ASCC1: variants seen among roughly 807,000 people sequenced by gnomAD.
The protein encoded by ASCC1 is ASC-1 complex subunit P50.
ASCC1 carries 35 observed loss-of-function variants against 46.6 expected under a neutral mutation model. That is an observed-to-expected ratio of 0.75 (90% confidence interval 0.57 to 0.99). ASCC1 has a LOEUF of 0.99. Ranked by LOEUF, ASCC1 falls within the 50% of genes least tolerant of loss-of-function variation. The pLI is 0.00. For missense variants in ASCC1, 376 were observed against 428.7 expected (o/e 0.88, Z 1.09); for synonymous variants, 143 against 146.6 (o/e 0.98, Z 0.18).
chr10:72,169,673 CT>C (rs1192898615), intron 5 of ASCC1, among the ~76,000 whole-genome samples: 1 of 152,102 alleles, frequency 6.6e-6, no homozygotes, highest in East Asian at 1.9e-4. Flanking sequence ...ATAGTTTTGA[CT>C]TTTGGAAGCA....
intron 4 of ASCC1, among the ~76,000 whole-genome samples, chr10:72,203,218 G>A (rs1002610625): frequency 2.7e-5 from 4 of 149,854 alleles, no homozygotes; most frequent in African/African-American, 4.9e-5. Context: ...TCCGGGAGGC[G>A]GAGGTTGCAG....
intron 5 of ASCC1, chr10:72,190,413 T>C: frequency 1.3e-6 from 2 of 1,597,326 alleles, no homozygotes; most frequent in Non-Finnish European, 1.7e-6. Flanking sequence ...ACCCAGTGGA[T>C]CACCAAACCA....
At chr10:72,172,046 AT>A in intron 5 of ASCC1, among the ~76,000 whole-genome samples, 1 of 152,336 alleles carries the variant, frequency 6.6e-6, no homozygotes, top group African/African-American at 2.4e-5. Flanking sequence ...CACGGTGGTT[AT>A]AAAAGCATCC....
intron 9 of ASCC1, among the ~76,000 whole-genome samples, chr10:72,101,471 C>T (rs145202520): frequency 0.011 from 1,736 of 151,926 alleles, 30 homozygotes; most frequent in African/African-American, 0.04. Flanking sequence ...AGGTATAGGG[C>T]GTAACACAGA....
chr10:72,133,187 G>T lies in ASCC1; in HGVS notation c.747-6C>A, dbSNP rs753511548. ...GATCAACTAATTCTTGTAGCCTGGA[G>T]AAATTGGAGAAAAGTAATGCAGAAA... On this transcript the variant is annotated splice_region_variant and splice_polypyrimidine_tract_variant and intron_variant, in intron 7 of 9. Coordinates refer to ENST00000672957, the MANE Select transcript of ASCC1 (RefSeq NM_001198800.3). The T allele has an allele frequency of 1.2e-5, 19 of 1,613,978 alleles. No individual in the cohort carries two copies. The highest frequency in any genetic ancestry group is 1.2e-4 in the Admixed American group (7 of 60,028).
intron 2 of ASCC1, 22 bp from the exon 3 acceptor site, chr10:72,210,853 T>C (rs373359395): frequency 1.2e-6 from 2 of 1,609,604 alleles, no homozygotes; most frequent in African/African-American, 2.7e-5. Context: ...CCATCACATC[T>C]CACTCAGAAA....
At chr10:72,131,420 C>CA (rs1845576195) in intron 8 of ASCC1, among the ~76,000 whole-genome samples, 1 of 131,898 alleles carries the variant, frequency 7.6e-6, no homozygotes, top group African/African-American at 3.0e-5. Context: ...GACTCCATTT[C>CA]AAAAAAATAA....
At chr10:72,216,657 C>G (rs959910863), upstream of ASCC1, among the ~76,000 whole-genome samples, 1 of 151,982 alleles carries the variant, frequency 6.6e-6, no homozygotes, top group Non-Finnish European at 1.5e-5. Context: ...AGGCATATAT[C>G]TGTTAGAAAG....
chr10:72,160,557 T>C (rs1011613577), intron 6 of ASCC1, among the ~76,000 whole-genome samples: 4 of 151,994 alleles, frequency 2.6e-5, no homozygotes, highest in African/African-American at 9.7e-5. Context: ...GCTTAGACTG[T>C]TTCTGGTATC....
intron 4 of ASCC1, among the ~76,000 whole-genome samples, chr10:72,200,439 G>A (rs1018125491): frequency 4.0e-5 from 6 of 151,820 alleles, no homozygotes; most frequent in Non-Finnish European, 5.9e-5. Context: ...ACCTGAGGTC[G>A]GGAGTTGGAG....
In ASCC1 at chr10:72,208,027, T is replaced by C. The variant is rs1031429119; in HGVS notation, c.212+2705A>G. Among the ~76,000 whole-genome samples the C allele has an allele frequency of 2.6e-5, 4 of 152,190 alleles. No individual in the cohort carries two copies. In the South Asian group the frequency reaches 8.3e-4, roughly 32 times the overall value. Reference sequence around the variant, plus strand: ...TTGTTGTAGAAACAGGGTCTCACCATGTTGCCCAAGCTGGGTGGTCTCCAA... The same window carrying C: ...TTGTTGTAGAAACAGGGTCTCACCACGTTGCCCAAGCTGGGTGGTCTCCAA... On this transcript the variant is annotated intron_variant, in intron 3 of 9. Coordinates refer to ENST00000672957, the MANE Select transcript of ASCC1 (RefSeq NM_001198800.3).
chr10:72,148,478 C>T (rs917997630), intron 7 of ASCC1, among the ~76,000 whole-genome samples: 1 of 152,068 alleles, frequency 6.6e-6, no homozygotes, highest in African/African-American at 2.4e-5. Context: ...GTTTGGCAGA[C>T]ATTTTCTCAA....
At chr10:72,197,467 C>CAAAAAAAAAAAAAAAAAAAAAAAAA (rs59460393) in intron 4 of ASCC1, among the ~76,000 whole-genome samples, 1 of 51,364 alleles carries the variant, frequency 1.9e-5, no homozygotes, top group African/African-American at 7.9e-5. Context: ...GACTCTATCT[C>CAAAAAAAAAAAAAAAAAAAAAAAAA]AAAAAAAAAA....
At chr10:72,193,185 A>G (rs558806989) in intron 5 of ASCC1, among the ~76,000 whole-genome samples, 2 of 152,312 alleles carry the variant, frequency 1.3e-5, no homozygotes, top group South Asian at 4.1e-4. Flanking sequence ...ACCCATACAC[A>G]AATGTTTACA....
chr10:72,149,166 C>T (rs551502893), intron 7 of ASCC1, among the ~76,000 whole-genome samples: 18 of 151,290 alleles, frequency 1.2e-4, no homozygotes, highest in South Asian at 2.1e-4. Context: ...TGGCCGGGCA[C>T]GGTGGCTCAT....
chr10:72,119,166 G>C (rs180757380), intron 9 of ASCC1, among the ~76,000 whole-genome samples: 2 of 152,324 alleles, frequency 1.3e-5, no homozygotes, highest in East Asian at 3.9e-4. Flanking sequence ...AAACTCCAGG[G>C]AACCACCTCA....
intron 7 of ASCC1, among the ~76,000 whole-genome samples, chr10:72,150,818 T>C (rs1364499857): frequency 3.9e-5 from 6 of 152,084 alleles, no homozygotes; most frequent in Admixed American, 3.9e-4. Flanking sequence ...AAGAAGACAT[T>C]TATGCAGCCA....
chr10:72,192,573 A>T (rs1046576555), intron 5 of ASCC1, among the ~76,000 whole-genome samples: 3 of 152,180 alleles, frequency 2.0e-5, no homozygotes, highest in African/African-American at 7.2e-5. Flanking sequence ...GGCTCACTGC[A>T]ACCTCCATCT....
At chr10:72,193,737 T>C (rs1361519819) in intron 5 of ASCC1, among the ~76,000 whole-genome samples, 4 of 152,152 alleles carry the variant, frequency 2.6e-5, no homozygotes, top group Non-Finnish European at 5.9e-5. Context: ...CAGAGGATAA[T>C]TGGCTAAATA....
Sources: allele counts gnomAD v4.1 joint callset (sites outside exome capture counted in the v4.1 genomes callset), GRCh38; gene constraint gnomAD v4.1.1; transcripts MANE v1.5; gene names NCBI Gene and HGNC (gene_info 2026-07-23, HGNC 2026-07-21).